Variants in PDE4B observed in about 807,000 individuals in gnomAD.
PDE4B encodes phosphodiesterase 4B, also known as 3',5'-cyclic-AMP phosphodiesterase 4B.
A neutral mutation model predicts 82.2 loss-of-function variants in PDE4B; 20 were observed. The observed-to-expected ratio is 0.24, with a 90% CI of 0.17 to 0.35. The LOEUF (loss-of-function observed/expected upper bound fraction) is 0.35. Ranked by LOEUF, PDE4B falls within the 10% of genes least tolerant of loss-of-function variation. PDE4B has a pLI of 1.00. For synonymous variants in PDE4B, 320 were observed against 318.9 expected, an observed-to-expected ratio of 1.00 and a Z score of -0.04; for missense variants, 655 against 907.2, an observed-to-expected ratio of 0.72 and a Z score of 3.57.
chr1:65,840,127 T>C (rs1293174838), intron 1 of PDE4B, among the ~76,000 whole-genome samples: 1 of 152,168 alleles, frequency 6.6e-6, no homozygotes, highest in Non-Finnish European at 1.5e-5. Context: ...CATCTAACCA[T>C]ATCCTTAAGA....
intron 1 of PDE4B, among the ~76,000 whole-genome samples, chr1:65,902,237 T>C (rs1646979469): frequency 6.6e-6 from 1 of 152,128 alleles, no homozygotes; most frequent in Non-Finnish European, 1.5e-5. Context: ...CATGCAATGT[T>C]TTAACACTTT....
intron 3 of PDE4B, among the ~76,000 whole-genome samples, chr1:66,049,137 GC>G (rs1199749933): frequency 6.6e-6 from 1 of 151,914 alleles, no homozygotes; most frequent in Non-Finnish European, 1.5e-5. Flanking sequence ...AGGAGATTAG[GC>G]TCTACTCTAA....
intron 7 of PDE4B, among the ~76,000 whole-genome samples, chr1:66,289,086 C>G (rs1656885129): frequency 6.6e-6 from 1 of 151,898 alleles, no homozygotes; most frequent in Non-Finnish European, 1.5e-5. Flanking sequence ...CAACATATAC[C>G]TGGGTCTACA....
At position 66,077,134 on chromosome 1, in the gene PDE4B, T is replaced by C. The variant is rs761111505; in HGVS notation, c.281+158299T>C. ...TTTCCTAGGTTTTCTTTTAGGATCT[T>C]TGTAGTTTGAGATCTAACATTTAAG... is the stretch of plus-strand genomic sequence containing the variant. On this transcript the variant is annotated intron_variant, in intron 3 of 16. Coordinates refer to ENST00000341517, the MANE Select transcript of PDE4B (RefSeq NM_002600.4). Among the ~76,000 whole-genome samples, 26 of 152,170 alleles carry C rather than the reference T, an allele frequency of 1.7e-4. 1 individual carries two copies. The highest frequency in any genetic ancestry group is 4.1e-4 in the South Asian group (2 of 4,832).
intron 1 of PDE4B, among the ~76,000 whole-genome samples, chr1:65,807,581 A>G (rs1645768433): frequency 6.6e-6 from 1 of 152,210 alleles, no homozygotes. Context: ...GGTTTCACCA[A>G]CTGTCGATTG....
intron 3 of PDE4B, among the ~76,000 whole-genome samples, chr1:66,044,097 G>A (rs965029541): frequency 6.6e-6 from 1 of 151,694 alleles, no homozygotes; most frequent in South Asian, 2.1e-4. Flanking sequence ...CTGTGGGTAG[G>A]AATTATTTCA....
intron 3 of PDE4B, among the ~76,000 whole-genome samples, chr1:65,961,511 A>C (rs558479258): frequency 6.6e-6 from 1 of 152,342 alleles, no homozygotes; most frequent in South Asian, 2.1e-4. Flanking sequence ...GATAATAATT[A>C]GTACTTTTTG....
chr1:65,940,955 T>G (rs1180000595), intron 3 of PDE4B, among the ~76,000 whole-genome samples: 1 of 152,088 alleles, frequency 6.6e-6, no homozygotes, highest in Non-Finnish European at 1.5e-5. Flanking sequence ...AGGCATAATC[T>G]CTTGATGTAC....
At chr1:66,318,415 GA>G (rs1659175359) in intron 7 of PDE4B, among the ~76,000 whole-genome samples, 1 of 152,198 alleles carries the variant, frequency 6.6e-6, no homozygotes. Flanking sequence ...ACCCAACTGA[GA>G]TAGCCCCTAA....
At chr1:66,309,013 G>A (rs1324560527) in intron 7 of PDE4B, among the ~76,000 whole-genome samples, 4 of 152,122 alleles carry the variant, frequency 2.6e-5, no homozygotes, top group Admixed American at 2.6e-4. Context: ...CAGGAAAGAG[G>A]CTAGGATTCA....
chr1:66,079,788 A>C (rs149703487), intron 3 of PDE4B, among the ~76,000 whole-genome samples: 21 of 152,246 alleles, frequency 1.4e-4, no homozygotes, highest in African/African-American at 4.8e-4. Flanking sequence ...AAAGTATTAA[A>C]ATGAAGTATG....
chr1:65,831,299 G>A (rs1405892568), intron 1 of PDE4B, among the ~76,000 whole-genome samples: 2 of 152,040 alleles, frequency 1.3e-5, no homozygotes, highest in African/African-American at 4.8e-5. Context: ...CTCTTGCAAG[G>A]CTGATTAAGA....
At chr1:65,971,730 C>A (rs1391448119) in intron 3 of PDE4B, among the ~76,000 whole-genome samples, 2 of 152,126 alleles carry the variant, frequency 1.3e-5, no homozygotes, top group African/African-American at 4.8e-5. Context: ...GCAGTATGAG[C>A]TGTTTTTGAG....
chr1:65,842,911 G>T (rs1278647855), intron 1 of PDE4B, among the ~76,000 whole-genome samples: 1 of 152,154 alleles, frequency 6.6e-6, no homozygotes, highest in Non-Finnish European at 1.5e-5. Context: ...CTAGGAGGAT[G>T]AATAGGAGCT....
intron 3 of PDE4B, among the ~76,000 whole-genome samples, chr1:66,106,545 T>C (rs1349753962): frequency 1.3e-5 from 2 of 150,156 alleles, no homozygotes; most frequent in Non-Finnish European, 3.0e-5. Context: ...CTGGTAGAAT[T>C]CGGCTGTGAA....
intron 3 of PDE4B, among the ~76,000 whole-genome samples, chr1:66,112,042 C>G (rs1325480724): frequency 6.6e-6 from 1 of 151,864 alleles, no homozygotes; most frequent in Non-Finnish European, 1.5e-5. Context: ...AACAAAATTA[C>G]CAAAGAGCAA....
At chr1:65,941,945 C>A (rs979509667) in intron 3 of PDE4B, among the ~76,000 whole-genome samples, 2 of 152,080 alleles carry the variant, frequency 1.3e-5, no homozygotes, top group African/African-American at 4.8e-5. Context: ...CACCTTCCTG[C>A]GATAGTCTCT....
intron 3 of PDE4B, among the ~76,000 whole-genome samples, chr1:66,102,496 G>A (rs1180202162): frequency 6.6e-6 from 1 of 152,040 alleles, no homozygotes; most frequent in African/African-American, 2.4e-5. Flanking sequence ...TAGAGATGTT[G>A]ATGTTTTGGA....
intron 3 of PDE4B, among the ~76,000 whole-genome samples, chr1:66,059,882 C>T (rs1253597987): frequency 6.6e-6 from 1 of 152,076 alleles, no homozygotes; most frequent in East Asian, 1.9e-4. Flanking sequence ...TTTAAGATAC[C>T]TCTTACAATG....
Sources: gnomAD v4.1 joint callset for allele counts (sites outside exome capture counted in the v4.1 genomes callset) on GRCh38, gnomAD v4.1.1 for gene constraint, MANE v1.5 for transcripts, NCBI Gene and HGNC (gene_info 2026-07-23, HGNC 2026-07-21) for gene names.